The following MYOM2 variants were observed in gnomAD, a reference collection of about 807,000 sequenced individuals.
MYOM2 encodes myomesin-2.
MYOM2 carries 254 observed loss-of-function variants against 187.6 expected under a neutral mutation model. That is an observed-to-expected ratio of 1.35 (90% CI 1.22 to 1.50). The LOEUF (loss-of-function observed/expected upper bound fraction) is 1.50. MYOM2 is among the 40% of genes most tolerant of loss of function. The pLI is 0.00. For synonymous variants in MYOM2, 981 were observed against 753.8 expected (o/e 1.30, Z -4.94); for missense variants, 2,796 against 1,924.0 (o/e 1.45, Z -8.48).
intron 10 of MYOM2, among the ~76,000 whole-genome samples, chr8:2,075,516 G>A (rs1819386660): frequency 1.3e-5 from 2 of 152,174 alleles, no homozygotes; most frequent in Admixed American, 6.5e-5. Context: ...ACCCTGCTAA[G>A]CATGCGTCAC....
At chr8:2,092,284 C>A (rs558891308) in intron 15 of MYOM2, 62 bp from the exon 16 acceptor site, 2 of 1,557,236 alleles carry the variant, frequency 1.3e-6, no homozygotes, top group South Asian at 2.4e-5. Context: ...GCCGGAAGAT[C>A]TCTGCTGTAG....
At chr8:2,056,595 A>C (rs17757537) in intron 3 of MYOM2, among the ~76,000 whole-genome samples, 49,376 of 152,086 alleles carry the variant, frequency 0.32, 8,674 homozygotes, top group East Asian at 0.67. Flanking sequence ...GTATTCAGAC[A>C]TTCCTATCTG....
At chr8:2,070,154 G>A (rs912716971) in intron 8 of MYOM2, among the ~76,000 whole-genome samples, 1 of 152,228 alleles carries the variant, frequency 6.6e-6, no homozygotes, top group Non-Finnish European at 1.5e-5. Context: ...TCTGGAGGAC[G>A]GGGACATGAT....
At chr8:2,097,187 C>T in intron 18 of MYOM2, 1 of 776,138 alleles carries the variant, frequency 1.3e-6, no homozygotes, top group Admixed American at 6.2e-5. Flanking sequence ...CTAGAAAATT[C>T]TGCCTTATAA....
chr8:2,100,508 G>A, intron 19 of MYOM2: 1 of 243,274 alleles, frequency 4.1e-6, no homozygotes, highest in Non-Finnish European at 8.2e-6. Context: ...AGGTAGGCAG[G>A]CTCCCTGAGT....
At position 2,094,076 on chromosome 8, in the gene MYOM2, G is replaced by C. The variant is rs1253501048; in HGVS notation, c.2110G>C (p.Val704Leu). The change falls in exon 17 of 37, where the codon GTG (valine) becomes CTG (leucine). Residue 704 changes from valine to leucine, a missense_variant. Coordinates refer to ENST00000262113, the MANE Select transcript of MYOM2 (RefSeq NM_003970.4). ...TTCCCAGGAATCAGACGTCATAAAA[G>C]TGCAGGCCGCACTCAGTAAGTCACT... Reference protein sequence around the residue: ...ENSQESDVIKVQAALTVPSHP... With the variant: ...ENSQESDVIKLQAALTVPSHP... 3 of 1,614,066 alleles carry C rather than the reference G, an allele frequency of 1.9e-6. No homozygotes were observed. Among genetic ancestry groups the C allele is most frequent in the South Asian group, 1.1e-5 (1 of 91,088 alleles).
chr8:2,055,068 ACCTGGATACT>A, intron 3 of MYOM2, among the ~76,000 whole-genome samples: 1 of 107,200 alleles, frequency 9.3e-6, no homozygotes, highest in African/African-American at 3.0e-5. Context: ...GGAACGAAGT[ACCTGGATACT>A]GGGGGAACGA....
intron 6 of MYOM2, among the ~76,000 whole-genome samples, chr8:2,065,462 C>G (rs968815141): frequency 2.6e-5 from 4 of 152,076 alleles, no homozygotes; most frequent in Non-Finnish European, 5.9e-5. Context: ...CCCAGCTACT[C>G]AGGAGGCTGA....
At chr8:2,123,224 C>T (rs1185502094) in intron 28 of MYOM2, 28 bp from the exon 29 acceptor site, 2 of 1,421,712 alleles carry the variant, frequency 1.4e-6, no homozygotes, top group Admixed American at 1.8e-5. Flanking sequence ...ATGATTTACA[C>T]ACTAAACTTA....
At position 2,126,391 on chromosome 8, in the gene MYOM2, C is replaced by A. The variant is rs183651241; in HGVS notation, c.3694+2174C>A. Among the ~76,000 whole-genome samples the A allele has an allele frequency of 2.6e-5, 4 of 151,860 alleles. No individual in the cohort carries two copies. In the South Asian group the frequency reaches 8.3e-4, roughly 32 times the overall value. On this transcript the variant is annotated intron_variant, in intron 31 of 36. Coordinates refer to ENST00000262113, the MANE Select transcript of MYOM2 (RefSeq NM_003970.4). Reference sequence around the variant, plus strand: ...ACACACTCACATCCCCACACTCACACAGCAGTCACACACACACGATTTCCC... The same window carrying A: ...ACACACTCACATCCCCACACTCACAAAGCAGTCACACACACACGATTTCCC...
In MYOM2 at chr8:2,050,845, T is replaced by C. The variant is rs1818460397; in HGVS notation, c.79T>C (p.Tyr27His). 1 of 1,612,250 alleles carries C rather than the reference T, an allele frequency of 6.2e-7. No individual in the cohort carries two copies. The highest frequency in any genetic ancestry group is 1.7e-5 in the Admixed American group (1 of 59,984). The change falls in exon 2 of 37, where the codon TAC (tyrosine) becomes CAC (histidine). Residue 27 changes from tyrosine (Y) to histidine (H), a missense_variant. Physicochemically the swap from Tyr to His is moderately conservative, Grantham distance 83. Transcript: ENST00000262113. ...DQSYRNIQTR[Y>H]LLDEYASKKR... Reference sequence around the variant, plus strand: ...GTCCTACCGTAATATTCAAACACGGTACCTGCTGGACGAATATGCGTCAAA... The same window carrying C: ...GTCCTACCGTAATATTCAAACACGGCACCTGCTGGACGAATATGCGTCAAA...
chr8:2,050,477 TA>T (rs2129326829), intron 1 of MYOM2, among the ~76,000 whole-genome samples: 1 of 152,368 alleles, frequency 6.6e-6, no homozygotes, highest in African/African-American at 2.4e-5. Context: ...CCAGGGGTTC[TA>T]GGAATACTTG....
chr8:2,069,302 A>G lies in MYOM2; in HGVS notation c.678A>G (p.Thr226=). The G allele has an allele frequency of 1.2e-6, 2 of 1,613,326 alleles. No individual in the cohort carries two copies. Among genetic ancestry groups the G allele is most frequent in the Admixed American group, 1.7e-5 (1 of 60,020 alleles). ...GGGCAGACTTTGACGACACTGCGAC[A>G]TACTCAGCAGTGGCCACCAATGCCC... The part of the protein sequence containing the change: ...INRADFDDTA[T]YSAVATNAHG... Residue 226 remains threonine (T), a synonymous_variant, in exon 7 of 37, where the codon ACA becomes ACG. Coordinates refer to ENST00000262113, the MANE Select transcript of MYOM2 (RefSeq NM_003970.4).
rs894080428 is a variant in MYOM2, at chr8:2,086,460, A to G, written c.1644+1070A>G. Among the ~76,000 whole-genome samples the G allele has an allele frequency of 1.3e-3, 123 of 95,102 alleles. 1 individual carries two copies. Among genetic ancestry groups the G allele is most frequent in the African/African-American group, 2.4e-3 (45 of 19,108 alleles). 62.4% of individuals were successfully genotyped at this position (95,102 alleles called of 152,430 possible). On this transcript the variant is annotated intron_variant, in intron 14 of 36. Transcript: ENST00000262113. The stretch of plus-strand genomic sequence containing the variant: ...GTGGCCCCCTACTGTCGTGATCTCC[A>G]CGTGGCCACACACTGTCATGATCTC...
At chr8:2,060,987 C>T (rs954091147) in intron 6 of MYOM2, among the ~76,000 whole-genome samples, 9 of 152,044 alleles carry the variant, frequency 5.9e-5, no homozygotes, top group African/African-American at 1.9e-4. Context: ...TCCGGCCGAG[C>T]CTCCCCAGCA....
chr8:2,053,442 T>C (rs183697504), intron 3 of MYOM2, among the ~76,000 whole-genome samples: 54 of 152,356 alleles, frequency 3.5e-4, no homozygotes, highest in African/African-American at 1.3e-3. Context: ...TACAATAGAA[T>C]ACTTGAGCTT....
rs145787968 is a variant in MYOM2 at position 2,084,148 on chromosome 8, G to T, written c.1517-1115G>T. 3.3e-5 allele frequency among the ~76,000 whole-genome samples: 5 copies of T among 152,338 alleles called. No individual in the cohort carries two copies. The East Asian group carries it at 9.6e-4, about 29-fold the overall frequency. ...CTCTCTGGAATGCTTTTTTCTGTGG[G>T]TATCTAGGTGTGGACACGGTGCACG... On this transcript the variant is annotated intron_variant, in intron 13 of 36. Transcript: ENST00000262113.
intron 35 of MYOM2, 90 bp downstream of exon 35, chr8:2,142,487 AAAT>A: frequency 7.6e-7 from 1 of 1,322,360 alleles, no homozygotes; most frequent in Non-Finnish European, 1.1e-6. Flanking sequence ...TTTGTGTATT[AAAT>A]AATAACCAGC....
chr8:2,076,613 T>C (rs1364742454), intron 11 of MYOM2: 1 of 248,056 alleles, frequency 4.0e-6, no homozygotes, highest in Non-Finnish European at 7.7e-6. Context: ...CTGTGCCCCG[T>C]ACCGGACAGG....
Sources: gnomAD v4.1 joint callset for allele counts (sites outside exome capture counted in the v4.1 genomes callset) on GRCh38, gnomAD v4.1.1 for gene constraint, MANE v1.5 for transcripts, NCBI Gene and HGNC (gene_info 2026-07-23, HGNC 2026-07-21) for gene names.